FER1L6: variants seen among roughly 807,000 people sequenced by gnomAD.
FER1L6 encodes the protein fer-1 like family member 6, also known as fer-1-like protein 6.
A neutral mutation model predicts 219.2 loss-of-function variants in FER1L6; 177 were observed. The observed-to-expected ratio is 0.81, with a 90% CI of 0.71 to 0.91. The LOEUF is 0.91. Ranked by LOEUF, FER1L6 falls within the 40% of genes least tolerant of loss-of-function variation. FER1L6 has a pLI of 0.00. For missense variants in FER1L6, 2,153 were observed against 2,259.9 expected, an observed-to-expected ratio of 0.95 and a Z score of 0.96; for synonymous variants, 768 against 824.3, an observed-to-expected ratio of 0.93 and a Z score of 1.17.
chr8:124,003,357 A>G lies in FER1L6; in HGVS notation c.1700+10A>G, dbSNP rs1817503862. On this transcript the variant is annotated intron_variant, in intron 13 of 40. Transcript: ENST00000522917. ...TGACAGAAGGGAACAGGTAGGAGAC[A>G]TAGCCTGGGAGAACAGTCAAGGATT... 6.2e-7 allele frequency: 1 copy of G among 1,601,462 alleles called. No homozygotes were observed. The highest frequency in any genetic ancestry group is 1.3e-5 in the African/African-American group (1 of 74,534).
intron 1 of FER1L6, among the ~76,000 whole-genome samples, chr8:123,881,509 A>G (rs1293326515): frequency 6.6e-6 from 1 of 152,194 alleles, no homozygotes; most frequent in Admixed American, 6.5e-5. Context: ...AAACTCAGAG[A>G]ATATTCTTTT....
intron 18 of FER1L6, among the ~76,000 whole-genome samples, chr8:124,032,097 G>A (rs1375638290): frequency 2.0e-5 from 3 of 152,166 alleles, no homozygotes; most frequent in African/African-American, 4.8e-5. Flanking sequence ...AGAAATGAAT[G>A]ATGTTTTTTG....
intron 18 of FER1L6, among the ~76,000 whole-genome samples, chr8:124,023,958 G>A (rs1410424479): frequency 2.7e-5 from 4 of 150,286 alleles, no homozygotes; most frequent in Admixed American, 6.6e-5. Flanking sequence ...GTGCAGTGGC[G>A]TGACCTCGGC....
chr8:124,046,121 T>C (rs887441166), intron 21 of FER1L6: 1 of 477,304 alleles, frequency 2.1e-6, no homozygotes, highest in African/African-American at 1.9e-5. Context: ...GACTTCCATT[T>C]AAATGGCAAT....
Position 124,091,409 on chromosome 8 carries a change from C to G in FER1L6, c.4392-14C>G, listed in dbSNP as rs758905285. The stretch of plus-strand genomic sequence containing the variant: ...AGTGAGGACCTCAAAGTGTGTTCTC[C>G]CTCCACTTTTCAGAGAAGGATACAA... On this transcript the variant is annotated splice_polypyrimidine_tract_variant and intron_variant, in intron 33 of 40. Coordinates refer to ENST00000522917, the MANE Select transcript of FER1L6 (RefSeq NM_001039112.2). The G allele has an allele frequency of 6.2e-7, 1 of 1,611,276 alleles. No individual in the cohort carries two copies. The highest frequency in any genetic ancestry group is 8.5e-7 in the Non-Finnish European group (1 of 1,177,916).
intron 1 of FER1L6, among the ~76,000 whole-genome samples, chr8:123,940,601 G>T (rs562161961): frequency 6.6e-6 from 1 of 152,194 alleles, no homozygotes; most frequent in Admixed American, 6.5e-5. Flanking sequence ...GCTTCCCAAA[G>T]TGCTGGGATT....
At chr8:123,936,462 G>GTTTTTTTTT (rs779012175) in intron 1 of FER1L6, among the ~76,000 whole-genome samples, 11 of 97,958 alleles carry the variant, frequency 1.1e-4, no homozygotes, top group African/African-American at 1.6e-4. Context: ...ATTGCAGCCT[G>GTTTTTTTTT]TTTTTTTTTT....
chr8:123,940,355 CT>C (rs549725148), intron 1 of FER1L6, among the ~76,000 whole-genome samples: 9 of 149,656 alleles, frequency 6.0e-5, no homozygotes, highest in Non-Finnish European at 7.5e-5. Flanking sequence ...AGTTACAGAA[CT>C]TTTTTTTTTG....
At chr8:123,973,597 TGTGACCATTCATTCA>T in intron 7 of FER1L6, 85 bp downstream of exon 7, 1 of 979,030 alleles carries the variant, frequency 1.0e-6, no homozygotes, top group Non-Finnish European at 1.7e-6. Context: ...CACTCACCTG[TGTGACCATTCATTCA>T]ATAACACTGA....
chr8:123,911,099 G>A (rs568091476), intron 1 of FER1L6, among the ~76,000 whole-genome samples: 1 of 152,120 alleles, frequency 6.6e-6, no homozygotes, highest in African/African-American at 2.4e-5. Flanking sequence ...AGGAGTCCAT[G>A]GAATTCCTCA....
chr8:123,875,877 C>T (rs1816997859), intron 1 of FER1L6, among the ~76,000 whole-genome samples: 1 of 152,204 alleles, frequency 6.6e-6, no homozygotes, highest in Non-Finnish European at 1.5e-5. Flanking sequence ...TAACCACGTC[C>T]ACCATCTGTC....
At chr8:123,978,805 A>G (rs910439583) in intron 10 of FER1L6, among the ~76,000 whole-genome samples, 1 of 152,216 alleles carries the variant, frequency 6.6e-6, no homozygotes, top group African/African-American at 2.4e-5. Flanking sequence ...AACAGATACC[A>G]TAGAGAGGCC....
chr8:124,091,451 T>A lies in FER1L6; in HGVS notation c.4420T>A (p.Ser1474Thr). Residue 1474 changes from serine (S) to threonine (T), a missense_variant, in exon 34 of 41, where the codon TCC (serine) becomes ACC (threonine). Transcript: ENST00000522917. ...IEGYNAWRDT[S>T]KPTEILTKLC... Reference sequence around the variant, plus strand: ...AGGATACAATGCCTGGAGAGACACGTCCAAACCCACCGAAATCCTCACTAA... The same window carrying A: ...AGGATACAATGCCTGGAGAGACACGACCAAACCCACCGAAATCCTCACTAA... 6.2e-7 allele frequency: 1 copy of A among 1,612,758 alleles called. No individual in the cohort carries two copies. The highest frequency in any genetic ancestry group is 8.5e-7 in the Non-Finnish European group (1 of 1,179,446).
At chr8:123,881,639 AG>A (rs1817112864) in intron 1 of FER1L6, among the ~76,000 whole-genome samples, 1 of 152,196 alleles carries the variant, frequency 6.6e-6, no homozygotes, top group Non-Finnish European at 1.5e-5. Context: ...GGAAATTAAA[AG>A]GGTAAAGCTT....
In FER1L6 at chr8:124,082,440, T is replaced by G; in HGVS notation, c.4373T>G (p.Leu1458Trp). The change falls in exon 33 of 41, where the codon TTG (leucine) becomes TGG (tryptophan). Residue 1458 changes from leucine (L) to tryptophan (W), a missense_variant. By Grantham distance (61) the Leu-to-Trp change is moderately conservative. Coordinates refer to ENST00000522917, the MANE Select transcript of FER1L6 (RefSeq NM_001039112.2). Reference sequence around the variant, plus strand: ...AGCAAACACCGAGCCATCTGTGGCTTGCAGAGCCAGTATGAGATGTAAGTT... The same window carrying G: ...AGCAAACACCGAGCCATCTGTGGCTGGCAGAGCCAGTATGAGATGTAAGTT... ...FYSKHRAICGLQSQYEIEGYN... is the reference protein window; with the variant it reads ...FYSKHRAICGWQSQYEIEGYN... The G allele has an allele frequency of 6.2e-7, 1 of 1,613,860 alleles. No individual in the cohort carries two copies. The highest frequency in any genetic ancestry group is 8.5e-7 in the Non-Finnish European group (1 of 1,179,846).
rs375517021 is a variant in FER1L6 at position 123,961,843 on chromosome 8, A to G, written c.77-1435A>G. ...TGTGCAGACTCTTTAAACAGCCAGA[A>G]CGAGTCTATGGTCTGTGTTTTTTGT... On this transcript the variant is annotated intron_variant, in intron 2 of 40. Coordinates refer to ENST00000522917, the MANE Select transcript of FER1L6 (RefSeq NM_001039112.2). Among the ~76,000 whole-genome samples the G allele has an allele frequency of 2.4e-4, 37 of 151,528 alleles. 1 individual carries two copies. In the South Asian group the frequency reaches 7.6e-3, roughly 31 times the overall value.
chr8:123,943,861 GCTCTAGGCAAGTTCCCTAAC>G (rs1294817492), intron 1 of FER1L6, among the ~76,000 whole-genome samples: 1 of 152,020 alleles, frequency 6.6e-6, no homozygotes, highest in Non-Finnish European at 1.5e-5. Context: ...CTGCTGTGTG[GCTCTAGGCAAGTTCCCTAAC>G]CTCTCCGAGG....
intron 39 of FER1L6, among the ~76,000 whole-genome samples, chr8:124,109,352 A>T (rs1156269809): frequency 6.6e-6 from 1 of 152,174 alleles, no homozygotes; most frequent in Non-Finnish European, 1.5e-5. Context: ...CCATCTTATC[A>T]GTTCTTTACT....
At chr8:124,050,128 G>C (rs975565309) in intron 22 of FER1L6, among the ~76,000 whole-genome samples, 28 of 152,140 alleles carry the variant, frequency 1.8e-4, no homozygotes, top group Admixed American at 3.3e-4. Context: ...TTGTTGTCTC[G>C]TATACCTTTC....
Sources: gnomAD v4.1 joint callset for allele counts (sites outside exome capture counted in the v4.1 genomes callset) on GRCh38, gnomAD v4.1.1 for gene constraint, MANE v1.5 for transcripts, NCBI Gene and HGNC (gene_info 2026-07-23, HGNC 2026-07-21) for gene names.